The following ABHD11 variants were observed in gnomAD, a reference collection of about 807,000 sequenced individuals.
The protein encoded by ABHD11 is abhydrolase domain containing 11.
ABHD11 carries 26 observed loss-of-function variants against 29.0 expected under a neutral mutation model. That is an observed-to-expected ratio of 0.90 (90% CI 0.66 to 1.24). The LOEUF (loss-of-function observed/expected upper bound fraction) is 1.24, where lower values mean the gene tolerates loss of function less well. Ranked by LOEUF, ABHD11 falls within the 50% of genes most tolerant of loss-of-function variation. The pLI, the probability that ABHD11 is intolerant of heterozygous loss-of-function variation, is 0.00. For synonymous variants in ABHD11, 169 were observed against 166.4 expected (o/e 1.02, Z -0.12); for missense variants, 381 against 422.4 (o/e 0.90, Z 0.86).
chr7:73,737,552 G>T lies in ABHD11; in HGVS notation c.435+10C>A. The T allele has an allele frequency of 1.9e-6, 3 of 1,590,992 alleles. No homozygotes were observed. The highest frequency in any genetic ancestry group is 2.6e-6 in the Non-Finnish European group (3 of 1,169,082). ...TGAATGGGAGGAGGCCCCAGACATG[G>T]GCGGCTCACCCTCTGTAGTGCCAGC... On this transcript the variant is annotated intron_variant, in intron 3 of 5. Coordinates refer to ENST00000222800, the MANE Select transcript of ABHD11 (RefSeq NM_148912.4).
intron 2 of ABHD11, 44 bp from the exon 3 acceptor site, chr7:73,737,779 TG>T (rs1563600025): frequency 6.3e-7 from 1 of 1,579,144 alleles, no homozygotes; most frequent in African/African-American, 1.3e-5. Context: ...ATCCCCATTC[TG>T]GGGGTAGACA....
chr7:73,737,457 G>GGAGCCTGAACTTGGTCATCCA (rs1563598860), intron 3 of ABHD11, 66 bp from the exon 4 acceptor site: 34 of 1,569,728 alleles, frequency 2.2e-5, no homozygotes, highest in Non-Finnish European at 2.8e-5. Context: ...CATGGCTCCT[G>GGAGCCTGAACTTGGTCATCCA]GAGCCTGAAC....
At chr7:73,736,863 G>GT in intron 5 of ABHD11, 66 bp downstream of exon 5, 3 of 1,579,190 alleles carry the variant, frequency 1.9e-6, no homozygotes, top group Non-Finnish European at 8.6e-7. Flanking sequence ...GCCTCCCCTG[G>GT]TAGGGTCCCC....
In ABHD11 at chr7:73,736,590, A is replaced by AAGT; in HGVS notation, c.887_889dup (p.Asp296_Phe297insTyr). The stretch of plus-strand genomic sequence containing the variant: ...CAGGAAGCCTCGGATGGCAGCTATG[A>AAGT]AGTCCTGTGGGCGGTCAGCGTGGAT... On this transcript the variant is annotated inframe_insertion, in exon 6 of 6. Coordinates refer to ENST00000222800, the MANE Select transcript of ABHD11 (RefSeq NM_148912.4). The AAGT allele has an allele frequency of 2.5e-6, 4 of 1,613,956 alleles. No homozygotes were observed. The highest frequency in any genetic ancestry group is 3.4e-6 in the Non-Finnish European group (4 of 1,180,000).
Position 73,737,374 on chromosome 7 carries a change from A to C in ABHD11, c.453T>G (p.Arg151=). The stretch of plus-strand genomic sequence containing the variant: ...CTGGGCTGATATCTACAGCAATGAG[A>C]CGTTCCACCAGCTCTGGCTGTGGGA... ...LALQRPELVE[R]LIAVDISPVE... is the part of the protein sequence containing the mutation. The change falls in exon 4 of 6, where the codon CGT becomes CGG. Residue 151 remains arginine, a synonymous_variant. Coordinates refer to ENST00000222800, the MANE Select transcript of ABHD11 (RefSeq NM_148912.4). 1 of 1,612,700 alleles carries C rather than the reference A, an allele frequency of 6.2e-7. No homozygotes were observed. The highest frequency in any genetic ancestry group is 1.3e-5 in the African/African-American group (1 of 75,030).
rs1475152578 is a variant in ABHD11 at position 73,736,393 on chromosome 7, C to T, written c.*166G>A. The T allele has an allele frequency of 1.2e-6, 1 of 859,036 alleles. No homozygotes were observed. The highest frequency in any genetic ancestry group is 1.7e-6 in the Non-Finnish European group (1 of 573,144). The allele number at this position is 859,036 out of a possible 1,614,324, so 53.2% of individuals were successfully genotyped here. On this transcript the variant is annotated 3_prime_UTR_variant, in exon 6 of 6. Transcript: ENST00000222800. Reference sequence around the variant, plus strand: ...TAGCTGGGATTACAGGTGTGCACCACCACGCCAGGCTAATTTTTGTATTTT... The same window carrying T: ...TAGCTGGGATTACAGGTGTGCACCATCACGCCAGGCTAATTTTTGTATTTT...
chr7:73,736,857 C>G, intron 5 of ABHD11, 72 bp downstream of exon 5: 2 of 1,576,634 alleles, frequency 1.3e-6, no homozygotes, highest in Non-Finnish European at 1.7e-6. Flanking sequence ...CCCAAGGCCT[C>G]CCCTGGTAGG....
Position 73,737,265 on chromosome 7 carries a change from G to C in ABHD11, c.562C>G (p.Arg188Gly). 6.2e-7 allele frequency: 1 copy of C among 1,614,104 alleles called. No homozygotes were observed. Among genetic ancestry groups the C allele is most frequent in the Non-Finnish European group, 8.5e-7 (1 of 1,180,036 alleles). ...TGTTCATCCGCCAGTTTTCGGGCAC[G>C]GGAGCGGGGCAGCTCATCTGCGATG... Reference protein sequence around the residue: ...INIADELPRSRARKLADEQLS... With the variant: ...INIADELPRSGARKLADEQLS... Residue 188 changes from arginine to glycine, a missense_variant, in exon 4 of 6, where the codon CGT (arginine) becomes GGT (glycine). Arg to Gly is a moderately radical substitution (Grantham distance 125). Transcript: ENST00000222800.
rs1188075596 is a variant in ABHD11 at position 73,737,936 on chromosome 7, T to C, written c.262-201A>G. 4 of 891,192 alleles carry C rather than the reference T, an allele frequency of 4.5e-6. No homozygotes were observed. In the African/African-American group the frequency reaches 5.0e-5, roughly 11 times the overall value. The allele number at this position is 891,192 out of a possible 1,614,324, so 55.2% of individuals were successfully genotyped here. ...GCCAGAGAAGAGCAGGCCCCAGGGT[T>C]GTGACCACGTCTCTGAAGGGCTGGC... is the stretch of plus-strand genomic sequence containing the variant. On this transcript the variant is annotated intron_variant, in intron 2 of 5. Transcript: ENST00000222800.
At position 73,737,824 on chromosome 7, in the gene ABHD11, G is replaced by C. The variant is rs1450781459; in HGVS notation, c.262-89C>G. On this transcript the variant is annotated intron_variant, in intron 2 of 5. Coordinates refer to ENST00000222800, the MANE Select transcript of ABHD11 (RefSeq NM_148912.4). ...CTTGTAGGGACAGCAGGTCAAAGGT[G>C]TGGAGAGCCTGGGGATACACCCTGT... The C allele has an allele frequency of 2.0e-6, 3 of 1,512,324 alleles. No homozygotes were observed. In the Admixed American group the frequency reaches 6.6e-5, roughly 33 times the overall value. 93.7% of individuals were successfully genotyped at this position (1,512,324 alleles called of 1,614,324 possible). A position where few individuals can be genotyped will look rare whatever the true frequency, so the allele number is the denominator to read the frequency against.
chr7:73,738,257 G>A (rs1584281317), intron 2 of ABHD11, 71 bp downstream of exon 2: 4 of 1,335,954 alleles, frequency 3.0e-6, no homozygotes, highest in Non-Finnish European at 2.1e-6. Flanking sequence ...GACCCCCCCT[G>A]CCCCGCCTCC....
intron 2 of ABHD11, chr7:73,738,025 G>C: frequency 1.3e-6 from 1 of 743,344 alleles, no homozygotes; most frequent in Non-Finnish European, 2.4e-6. Context: ...AACAGTAGGA[G>C]CACAGAAGAA....
chr7:73,738,517 G>A, intron 1 of ABHD11, 54 bp from the exon 2 acceptor site: 4 of 1,583,538 alleles, frequency 2.5e-6, no homozygotes, highest in Admixed American at 1.8e-5. Context: ...CGGGGAAAGG[G>A]GTAGGGGGAA....
In ABHD11 at chr7:73,737,799, C is replaced by T. The variant is rs1047257297; in HGVS notation, c.262-64G>A. On this transcript the variant is annotated intron_variant, in intron 2 of 5. Coordinates refer to ENST00000222800, the MANE Select transcript of ABHD11 (RefSeq NM_148912.4). ...CATTCTGGGGGTAGACAGCCAAAGG[C>T]TTGTAGGGACAGCAGGTCAAAGGTG... 14 of 1,556,544 alleles carry T rather than the reference C, an allele frequency of 9.0e-6. No homozygotes were observed. In the Admixed American group the frequency reaches 1.3e-4, roughly 15 times the overall value.
chr7:73,738,733 TCA>T lies in ABHD11; in HGVS notation c.36_37del (p.Glu13GlyfsTer8). The T allele has an allele frequency of 6.2e-7, 1 of 1,609,712 alleles. No homozygotes were observed. Among genetic ancestry groups the T allele is most frequent in the Non-Finnish European group, 8.5e-7 (1 of 1,178,084 alleles). On this transcript the variant is annotated frameshift_variant, in exon 1 of 6. Transcript: ENST00000222800. LOFTEE classifies it high-confidence loss of function. ...GCTAGGGCCGTGGGGGCCGAGTCCC[TCA>T]CGCGGGAGCCTCCAGGCTCGGGTCC...
chr7:73,737,440 T>C (rs782608700), intron 3 of ABHD11, 49 bp from the exon 4 acceptor site: 11 of 1,579,246 alleles, frequency 7.0e-6, no homozygotes, highest in Non-Finnish European at 8.6e-6. Flanking sequence ...ACATAGGGAG[T>C]CTCAGGCATG....
rs1311651377 is a variant in ABHD11 at position 73,738,554 on chromosome 7, G to A, written c.126-91C>T. The A allele has an allele frequency of 4.5e-6, 7 of 1,563,568 alleles. No individual in the cohort carries two copies. The East Asian group carries it at 7.0e-5, about 16-fold the overall frequency. On this transcript the variant is annotated intron_variant, in intron 1 of 5. Coordinates refer to ENST00000222800, the MANE Select transcript of ABHD11 (RefSeq NM_148912.4). Reference sequence around the variant, plus strand: ...GAGCTTTGGGGGAGAGGCCTGGGAGGTGACAGGCCCAAAGGGAGGAGATGG... The same window carrying A: ...GAGCTTTGGGGGAGAGGCCTGGGAGATGACAGGCCCAAAGGGAGGAGATGG...
chr7:73,737,838 G>A, intron 2 of ABHD11, 103 bp from the exon 3 acceptor site: 2 of 1,474,158 alleles, frequency 1.4e-6, no homozygotes, highest in Non-Finnish European at 1.8e-6. Context: ...AGAGCCTGGG[G>A]ATACACCCTG....
At chr7:73,738,256 T>C in intron 2 of ABHD11, 72 bp downstream of exon 2, 4 of 1,218,286 alleles carry the variant, frequency 3.3e-6, no homozygotes, top group Admixed American at 2.1e-5. Context: ...GGACCCCCCC[T>C]GCCCCGCCTC....
Sources: gnomAD v4.1 joint callset for allele counts on GRCh38, gnomAD v4.1.1 for gene constraint, MANE v1.5 for transcripts, NCBI Gene and HGNC (gene_info 2026-07-23, HGNC 2026-07-21) for gene names.